CDH4: variants seen among roughly 807,000 people sequenced by gnomAD.
The protein encoded by CDH4 is cadherin-4.
CDH4 carries 33 observed loss-of-function variants against 86.0 expected under a neutral mutation model. The observed-to-expected ratio is 0.38, with a 90% CI of 0.29 to 0.51. The LOEUF (loss-of-function observed/expected upper bound fraction) is 0.51. CDH4 is among the 20% of genes least tolerant of loss of function. The pLI, the probability that CDH4 is intolerant of heterozygous loss-of-function variation, is 0.86. For synonymous variants in CDH4, 555 were observed against 549.4 expected (o/e 1.01, Z -0.14); for missense variants, 1,114 against 1,307.4 (o/e 0.85, Z 2.28).
chr20:61,794,059 C>T lies in CDH4; in HGVS notation c.576+20877C>T, dbSNP rs1314558153. Among the ~76,000 whole-genome samples the T allele has an allele frequency of 6.8e-5, 10 of 147,414 alleles. No homozygotes were observed. In the South Asian group the frequency reaches 1.5e-3, roughly 22 times the overall value. On this transcript the variant is annotated intron_variant, in intron 4 of 15. Transcript: ENST00000614565. ...TCGGGAGGCTGAGGCAGGAGAATGG[C>T]GTGAACCTGGGAGATGGAGCTTGCA...
chr20:61,631,174 C>T (rs1336203070), intron 2 of CDH4, among the ~76,000 whole-genome samples: 1 of 152,238 alleles, frequency 6.6e-6, no homozygotes, highest in East Asian at 1.9e-4. Context: ...CATAAGACAG[C>T]GTGGCTCCCC....
At chr20:61,370,546 T>C (rs2084834647) in intron 2 of CDH4, 1 of 152,190 alleles carries the variant, frequency 6.6e-6, no homozygotes, top group African/African-American at 2.4e-5. Flanking sequence ...ATCAGTTGCT[T>C]CTAAGGATTA....
intron 4 of CDH4, among the ~76,000 whole-genome samples, chr20:61,781,160 A>C (rs1423106476): frequency 6.6e-6 from 1 of 152,100 alleles, no homozygotes; most frequent in East Asian, 1.9e-4. Flanking sequence ...AAAAATAAAC[A>C]CCCTCAGGGA....
intron 9 of CDH4, among the ~76,000 whole-genome samples, chr20:61,913,215 G>A (rs1397434053): frequency 6.6e-6 from 1 of 152,156 alleles, no homozygotes; most frequent in African/African-American, 2.4e-5. Context: ...ACACAGCCCC[G>A]CCACCTTCAT....
chr20:61,883,797 C>T (rs1252335198), intron 7 of CDH4, among the ~76,000 whole-genome samples: 1 of 152,180 alleles, frequency 6.6e-6, no homozygotes, highest in Non-Finnish European at 1.5e-5. Context: ...TTGTTCCTCC[C>T]AGACATCTAG....
intron 2 of CDH4, among the ~76,000 whole-genome samples, chr20:61,483,128 T>A (rs991669156): frequency 4.6e-5 from 7 of 152,198 alleles, no homozygotes; most frequent in African/African-American, 1.7e-4. Context: ...AGCCCAGAGC[T>A]GTGGGAGTCC....
chr20:61,422,424 CAAAAAAAAAAAAAAAAAAAAAAAA>C lies in CDH4; in HGVS notation c.169+167507_169+167530del, dbSNP rs869235928. On this transcript the variant is annotated intron_variant, in intron 2 of 15. Transcript: ENST00000614565. The stretch of plus-strand genomic sequence containing the variant: ...GGGCAATAAGAGCAAAACTCCGTCT[CAAAAAAAAAAAAAAAAAAAAAAAA>C]AAAAAAAAAAAAAAAAAAACCAAAT... Among the ~76,000 whole-genome samples, 18 of 22,260 alleles carry C rather than the reference CAAAAAAAAAAAAAAAAAAAAAAAA, an allele frequency of 8.1e-4. No homozygotes were observed. In the East Asian group the frequency reaches 0.014, roughly 18 times the overall value. 14.6% of individuals were successfully genotyped at this position (22,260 alleles called of 152,430 possible).
chr20:61,517,367 T>A lies in CDH4; in HGVS notation c.170-226196T>A, dbSNP rs951042483. On this transcript the variant is annotated intron_variant, in intron 2 of 15. Transcript: ENST00000614565. The surrounding 1 kb of genome is among the most constrained non-coding windows in gnomAD (Gnocchi z 6.6). The stretch of plus-strand genomic sequence containing the variant: ...ACACCACCTTGTGCAGCTAATTTTT[T>A]TACTTTTTGTAGAGACAAGGTCTCG... 7.2e-5 allele frequency among the ~76,000 whole-genome samples: 11 copies of A among 152,130 alleles called. No individual in the cohort carries two copies. Among genetic ancestry groups the A allele is most frequent in the Non-Finnish European group, 1.5e-4 (10 of 68,030 alleles).
chr20:61,885,414 C>A (rs1257086939), intron 7 of CDH4, among the ~76,000 whole-genome samples: 1 of 152,142 alleles, frequency 6.6e-6, no homozygotes, highest in Non-Finnish European at 1.5e-5. Flanking sequence ...CATGGCGTTT[C>A]GTGTCTGGTG....
At chr20:61,485,339 A>C (rs1424190790) in intron 2 of CDH4, among the ~76,000 whole-genome samples, 1 of 152,044 alleles carries the variant, frequency 6.6e-6, no homozygotes, top group Non-Finnish European at 1.5e-5. Context: ...ACAGCACCAC[A>C]CTCTCTCCAA....
intron 5 of CDH4, among the ~76,000 whole-genome samples, chr20:61,847,717 G>A (rs906262672): frequency 6.6e-6 from 1 of 152,194 alleles, no homozygotes; most frequent in African/African-American, 2.4e-5. Context: ...TCCTTCTGGG[G>A]AGGCCTCAGG....
chr20:61,263,849 T>C (rs1421585744), intron 2 of CDH4, among the ~76,000 whole-genome samples: 1 of 152,078 alleles, frequency 6.6e-6, no homozygotes, highest in Non-Finnish European at 1.5e-5. Flanking sequence ...ACTCCTTGGC[T>C]CCTGGCCGCT....
chr20:61,445,769 G>T (rs1275173041), intron 2 of CDH4, among the ~76,000 whole-genome samples: 1 of 152,232 alleles, frequency 6.6e-6, no homozygotes, highest in African/African-American at 2.4e-5. Context: ...GTAGAGACTT[G>T]CGAGACCTTT....
intron 2 of CDH4, among the ~76,000 whole-genome samples, chr20:61,460,792 G>C (rs774832835): frequency 6.6e-6 from 1 of 152,228 alleles, no homozygotes; most frequent in African/African-American, 2.4e-5. Context: ...CAGGCCTCTC[G>C]AGAGCTGGGG....
At chr20:61,509,122 C>T (rs1336599438) in intron 2 of CDH4, among the ~76,000 whole-genome samples, 1 of 152,144 alleles carries the variant, frequency 6.6e-6, no homozygotes, top group Non-Finnish European at 1.5e-5. Context: ...TGGACCCAGG[C>T]ACAAAGGCCG....
At chr20:61,384,317 G>A (rs6061593) in intron 2 of CDH4, among the ~76,000 whole-genome samples, 37,442 of 152,020 alleles carry the variant, frequency 0.25, 5,001 homozygotes, top group African/African-American at 0.34. Context: ...AACCATGAGT[G>A]TAGAGACAGG....
intron 7 of CDH4, among the ~76,000 whole-genome samples, chr20:61,880,164 G>C (rs189745615): frequency 1.3e-5 from 2 of 152,124 alleles, no homozygotes; most frequent in Non-Finnish European, 2.9e-5. Flanking sequence ...AGTGTTCGTC[G>C]GTGACCAGAA....
chr20:61,533,074 G>A (rs985672445), intron 2 of CDH4, among the ~76,000 whole-genome samples: 8 of 152,150 alleles, frequency 5.3e-5, no homozygotes, highest in Non-Finnish European at 1.2e-4. Context: ...GCTTCAAGGT[G>A]AGGACCCTGA....
At chr20:61,503,391 C>G (rs562984985) in intron 2 of CDH4, among the ~76,000 whole-genome samples, 1 of 152,058 alleles carries the variant, frequency 6.6e-6, no homozygotes, top group Non-Finnish European at 1.5e-5. Flanking sequence ...GAAAAGGGGT[C>G]GTAAAAGTAA....
Sources: gnomAD v4.1 joint callset for allele counts (sites outside exome capture counted in the v4.1 genomes callset) on GRCh38, gnomAD v4.1.1 for gene constraint, Gnocchi (gnomAD v3.1) non-coding constraint, MANE v1.5 for transcripts, NCBI Gene and HGNC (gene_info 2026-07-23, HGNC 2026-07-21) for gene names.